The following KATNBL1 variants were observed in gnomAD, a reference collection of about 807,000 sequenced individuals.
KATNBL1 encodes katanin regulatory subunit B1 like 1, also known as KATNB1-like protein 1.
Under a neutral mutation model 44.7 loss-of-function variants are expected in KATNBL1, and 28 were observed. The observed-to-expected ratio is 0.63, with a 90% confidence interval of 0.46 to 0.86. KATNBL1 has a LOEUF of 0.86. Ranked by LOEUF, KATNBL1 falls within the 40% of genes least tolerant of loss-of-function variation. The probability of loss-of-function intolerance (pLI) is 0.00; values close to 1 mark genes in which losing one functional copy is unlikely to be tolerated. For missense variants in KATNBL1, 272 were observed against 350.7 expected, an observed-to-expected ratio of 0.78 and a Z score of 1.79; for synonymous variants, 78 against 114.9, an observed-to-expected ratio of 0.68 and a Z score of 2.06.
chr15:34,142,439 T>A, intron 9 of KATNBL1, 68 bp from the exon 10 acceptor site: 1 of 1,494,954 alleles, frequency 6.7e-7, no homozygotes, highest in Non-Finnish European at 9.0e-7. Flanking sequence ...AATCCATTTT[T>A]TTTTGTTGTT....
rs59733560 is a variant in KATNBL1, at chr15:34,172,256, C to CTTTTTTTTTTTT, written c.-14-8578_-14-8567dup. On this transcript the variant is annotated intron_variant, in intron 1 of 9. Transcript: ENST00000256544. ...ACAGAGTCCTTGGGAGGAACATATT[C>CTTTTTTTTTTTT]TTTTTTTTTTTTTTTTTTGAGATGG... 1.3e-3 allele frequency among the ~76,000 whole-genome samples: 126 copies of CTTTTTTTTTTTT among 96,598 alleles called. 12 individuals carry two copies. Among genetic ancestry groups the CTTTTTTTTTTTT allele is most frequent in the Non-Finnish European group, 2.1e-3 (108 of 52,058 alleles). 63.4% of individuals were successfully genotyped at this position (96,598 alleles called of 152,430 possible).
chr15:34,144,419 AAT>A (rs148768731), intron 9 of KATNBL1, among the ~76,000 whole-genome samples: 56 of 148,108 alleles, frequency 3.8e-4, no homozygotes, highest in East Asian at 7.8e-4. Flanking sequence ...CTTATTTAGA[AAT>A]ATATATATAT....
intron 1 of KATNBL1, among the ~76,000 whole-genome samples, chr15:34,205,197 T>C (rs1007384531): frequency 1.3e-5 from 2 of 152,176 alleles, no homozygotes; most frequent in African/African-American, 4.8e-5. Flanking sequence ...TTTCACTGTG[T>C]TGACCAGGAT....
At chr15:34,195,558 C>T (rs181085412) in intron 1 of KATNBL1, among the ~76,000 whole-genome samples, 16 of 152,050 alleles carry the variant, frequency 1.1e-4, no homozygotes, top group Admixed American at 9.2e-4. Flanking sequence ...CAAAATTGCA[C>T]TTGTATCCTA....
chr15:34,177,531 C>A (rs2031866262), intron 1 of KATNBL1, among the ~76,000 whole-genome samples: 1 of 149,726 alleles, frequency 6.7e-6, no homozygotes, highest in Non-Finnish European at 1.5e-5. Flanking sequence ...GTAATCCCAG[C>A]TACTTGGGAG....
At chr15:34,183,898 G>A (rs74742843) in intron 1 of KATNBL1, among the ~76,000 whole-genome samples, 73 of 152,216 alleles carry the variant, frequency 4.8e-4, no homozygotes, top group Middle Eastern at 3.4e-3. Context: ...GGCTGGGTGC[G>A]GTGGCTCATG....
chr15:34,178,568 T>C (rs780597657), intron 1 of KATNBL1, among the ~76,000 whole-genome samples: 1 of 151,950 alleles, frequency 6.6e-6, no homozygotes, highest in South Asian at 2.1e-4. Context: ...CCATCCTGGC[T>C]AACCCGGTGA....
At chr15:34,205,611 AT>A (rs1890274675) in intron 1 of KATNBL1, among the ~76,000 whole-genome samples, 1 of 152,066 alleles carries the variant, frequency 6.6e-6, no homozygotes, top group South Asian at 2.1e-4. Flanking sequence ...GCTGGGAGGT[AT>A]TTTTACATTG....
At chr15:34,160,850 C>T (rs117419039) in intron 2 of KATNBL1, among the ~76,000 whole-genome samples, 176 of 152,044 alleles carry the variant, frequency 1.2e-3, no homozygotes, top group African/African-American at 2.7e-3. Context: ...TTTGCCTTCC[C>T]GACTACTGGA....
chr15:34,179,496 A>AT (rs941130702), intron 1 of KATNBL1, among the ~76,000 whole-genome samples: 87 of 151,388 alleles, frequency 5.7e-4, no homozygotes, highest in East Asian at 4.3e-3. Flanking sequence ...TAGCAATGGT[A>AT]TTTTTTTTTG....
At position 34,193,234 on chromosome 15, in the gene KATNBL1, AAC is replaced by A. The variant is rs1555530385; in HGVS notation, c.-15+16715_-15+16716del. Among the ~76,000 whole-genome samples, 330 of 136,070 alleles carry A rather than the reference AAC, an allele frequency of 2.4e-3. 36 individuals are homozygous for A. The highest frequency in any genetic ancestry group is 8.7e-3 in the African/African-American group (299 of 34,372). The allele number at this position is 136,070 out of a possible 152,430, so 89.3% of individuals were successfully genotyped here. ...TCCGTCTCAAAAAAAAAAAAAAAAA[AAC>A]AAAAAAAAAACTTAAGGCCAGATGC... On this transcript the variant is annotated intron_variant, in intron 1 of 9. Coordinates refer to ENST00000256544, the MANE Select transcript of KATNBL1 (RefSeq NM_024713.3).
At chr15:34,169,859 GC>G (rs1889104542) in intron 1 of KATNBL1, among the ~76,000 whole-genome samples, 1 of 152,178 alleles carries the variant, frequency 6.6e-6, no homozygotes, top group Non-Finnish European at 1.5e-5. Context: ...CTCAATAGAT[GC>G]AGAAAAGGCC....
intron 1 of KATNBL1, among the ~76,000 whole-genome samples, chr15:34,169,638 A>G (rs938237283): frequency 5.3e-5 from 8 of 152,138 alleles, no homozygotes; most frequent in African/African-American, 1.7e-4. Flanking sequence ...CACAACAAAA[A>G]AAGAGAATTT....
At chr15:34,195,241 T>C (rs1046899690) in intron 1 of KATNBL1, among the ~76,000 whole-genome samples, 2 of 152,156 alleles carry the variant, frequency 1.3e-5, no homozygotes, top group Admixed American at 6.5e-5. Flanking sequence ...GTGGTACATA[T>C]ACAATATGGG....
At position 34,152,989 on chromosome 15, in the gene KATNBL1, G is replaced by A. The variant is rs780877852; in HGVS notation, c.239C>T (p.Pro80Leu). Residue 80 changes from proline to leucine, a missense_variant, in exon 4 of 10, where the codon CCA becomes CTA. Coordinates refer to ENST00000256544, the MANE Select transcript of KATNBL1 (RefSeq NM_024713.3). Reference protein sequence around the residue: ...YRRKKVHHPFPNPCYRKKQSP... With the variant: ...YRRKKVHHPFLNPCYRKKQSP... ...CTGTTTTTTTCTGTAACAAGGATTT[G>A]GAAAGGGATGATGAACTTTCTTTCT... 36 of 1,613,698 alleles carry A rather than the reference G, an allele frequency of 2.2e-5. No individual in the cohort carries two copies. Among genetic ancestry groups the A allele is most frequent in the Non-Finnish European group, 2.9e-5 (34 of 1,179,732 alleles).
chr15:34,161,737 A>G (rs909573430), intron 2 of KATNBL1, among the ~76,000 whole-genome samples: 2 of 152,170 alleles, frequency 1.3e-5, no homozygotes, highest in Non-Finnish European at 1.5e-5. Flanking sequence ...TTCAGCGGGA[A>G]GGATGGTTAC....
chr15:34,155,335 G>A (rs1351944960), intron 2 of KATNBL1, among the ~76,000 whole-genome samples: 1 of 152,118 alleles, frequency 6.6e-6, no homozygotes. Context: ...GTCAGAATAT[G>A]GTGGAGGGGA....
intron 1 of KATNBL1, among the ~76,000 whole-genome samples, chr15:34,200,063 C>T (rs926148739): frequency 2.0e-5 from 3 of 152,182 alleles, no homozygotes; most frequent in Admixed American, 2.0e-4. Flanking sequence ...CATTTACAAT[C>T]CTCTAGCTAG....
intron 1 of KATNBL1, among the ~76,000 whole-genome samples, chr15:34,194,899 A>C (rs1233795275): frequency 1.3e-5 from 2 of 152,236 alleles, no homozygotes; most frequent in Non-Finnish European, 2.9e-5. Context: ...AACTACAATG[A>C]AATATCATCT....
Sources: gnomAD v4.1 joint callset for allele counts (sites outside exome capture counted in the v4.1 genomes callset) on GRCh38, gnomAD v4.1.1 for gene constraint, MANE v1.5 for transcripts, NCBI Gene and HGNC (gene_info 2026-07-23, HGNC 2026-07-21) for gene names.